GPATCH2: variants seen among roughly 807,000 people sequenced by gnomAD.
GPATCH2 encodes G patch domain-containing protein 2.
Under a neutral mutation model 58.0 loss-of-function variants are expected in GPATCH2, and 51 were observed. That is an observed-to-expected ratio of 0.88 (90% CI 0.70 to 1.11). GPATCH2 has a LOEUF of 1.11. Among genes scored for constraint, GPATCH2 ranks in the 50% most tolerant of loss-of-function variants. The pLI is 0.00. For synonymous variants in GPATCH2, 222 were observed against 218.5 expected, an observed-to-expected ratio of 1.02 and a Z score of -0.14; for missense variants, 625 against 652.2, an observed-to-expected ratio of 0.96 and a Z score of 0.45.
chr1:217,491,551 T>A (rs1661734682), intron 8 of GPATCH2, 129 bp downstream of exon 8: 1 of 440,034 alleles, frequency 2.3e-6, no homozygotes, highest in Non-Finnish European at 4.1e-6. Context: ...TAGATTCCAA[T>A]AAACAATACA....
intron 5 of GPATCH2, among the ~76,000 whole-genome samples, chr1:217,579,157 A>G (rs936146617): frequency 6.6e-6 from 1 of 152,214 alleles, no homozygotes; most frequent in East Asian, 1.9e-4. Flanking sequence ...AAAAGGATGC[A>G]AAGAAATACA....
chr1:217,510,955 G>A (rs1198905900), intron 6 of GPATCH2, among the ~76,000 whole-genome samples: 2 of 152,066 alleles, frequency 1.3e-5, no homozygotes, highest in East Asian at 1.9e-4. Flanking sequence ...AAAATTATCT[G>A]GGCGTGGTGG....
intron 5 of GPATCH2, among the ~76,000 whole-genome samples, chr1:217,524,939 A>G (rs867393284): frequency 1.6e-4 from 10 of 64,198 alleles, no homozygotes; most frequent in African/African-American, 4.7e-4. Context: ...GAGAGGGGAG[A>G]GGGAGATTTC....
At chr1:217,604,422 T>A (rs1668261819) in intron 5 of GPATCH2, among the ~76,000 whole-genome samples, 1 of 152,022 alleles carries the variant, frequency 6.6e-6, no homozygotes, top group Non-Finnish European at 1.5e-5. Context: ...AAAATTAATA[T>A]ATAGTAATAG....
At chr1:217,572,491 C>G (rs1052481872) in intron 5 of GPATCH2, among the ~76,000 whole-genome samples, 1 of 152,060 alleles carries the variant, frequency 6.6e-6, no homozygotes, top group Admixed American at 6.5e-5. Flanking sequence ...TCGTGGGCAC[C>G]CTGTGTTTGC....
chr1:217,447,706 T>A (rs562998692), intron 9 of GPATCH2, among the ~76,000 whole-genome samples: 95 of 152,350 alleles, frequency 6.2e-4, no homozygotes, highest in African/African-American at 2.2e-3. Context: ...AATTTTATAA[T>A]CTAGTCCCTT....
intron 8 of GPATCH2, among the ~76,000 whole-genome samples, chr1:217,464,934 T>C (rs1040147287): frequency 1.3e-5 from 2 of 151,878 alleles, no homozygotes; most frequent in Non-Finnish European, 2.9e-5. Flanking sequence ...CCCACAAAAA[T>C]GAAAACTACA....
At chr1:217,515,843 G>A (rs775207796) in intron 5 of GPATCH2, among the ~76,000 whole-genome samples, 7 of 148,580 alleles carry the variant, frequency 4.7e-5, no homozygotes, top group Non-Finnish European at 8.9e-5. Flanking sequence ...AGATATTTCC[G>A]AGGACCAATG....
At chr1:217,498,688 C>A (rs1307544410) in intron 6 of GPATCH2, 6 of 506,576 alleles carry the variant, frequency 1.2e-5, no homozygotes. Context: ...TGAATCAATT[C>A]TGGTTATAAA....
chr1:217,527,820 T>A (rs767096602), intron 5 of GPATCH2, among the ~76,000 whole-genome samples: 2 of 152,218 alleles, frequency 1.3e-5, no homozygotes, highest in Non-Finnish European at 2.9e-5. Flanking sequence ...TGTCCAGCAC[T>A]CAGGTGCTAC....
At chr1:217,564,359 C>T (rs190984118) in intron 5 of GPATCH2, among the ~76,000 whole-genome samples, 3 of 152,282 alleles carry the variant, frequency 2.0e-5, no homozygotes, top group African/African-American at 4.8e-5. Context: ...GATAATTACA[C>T]AGCCTTCATT....
chr1:217,620,732 T>G (rs1314904013), intron 1 of GPATCH2, among the ~76,000 whole-genome samples: 1 of 152,204 alleles, frequency 6.6e-6, no homozygotes, highest in Non-Finnish European at 1.5e-5. Flanking sequence ...AGAATAAGCT[T>G]ATGAGCAATG....
At position 217,630,983 on chromosome 1, in the gene GPATCH2, G is replaced by A. The variant is rs944730; in HGVS notation, c.-12C>T. 947,089 of 1,581,482 alleles carry A rather than the reference G, an allele frequency of 0.6. 291,612 individuals carry two copies. Among genetic ancestry groups the A allele is most frequent in the African/African-American group, 0.68 (50,914 of 74,402 alleles). On this transcript the variant is annotated 5_prime_UTR_variant, in exon 1 of 10. Transcript: ENST00000366935. ...GCGGCCCCGAACATTAACGACACCC[G>A]GGAGCCTGGCCTCGAAGCTCAGGCC...
chr1:217,503,510 T>C (rs1488423249), intron 6 of GPATCH2, among the ~76,000 whole-genome samples: 6 of 152,130 alleles, frequency 3.9e-5, no homozygotes, highest in Non-Finnish European at 5.9e-5. Context: ...GAATTAGCCT[T>C]GGACAGGAGA....
chr1:217,553,631 T>G (rs1356814800), intron 5 of GPATCH2, among the ~76,000 whole-genome samples: 5 of 152,188 alleles, frequency 3.3e-5, no homozygotes, highest in Non-Finnish European at 5.9e-5. Context: ...TCTACATTAT[T>G]GTTTTGAAAA....
chr1:217,609,292 AG>A (rs1174627349), intron 5 of GPATCH2: 1 of 985,116 alleles, frequency 1.0e-6, no homozygotes, highest in Admixed American at 6.2e-5. Context: ...AAGATGTACA[AG>A]CAGCTCTCAC....
rs1030787279 is a variant in GPATCH2, at chr1:217,431,026, C to T, written c.*119G>A. On this transcript the variant is annotated 3_prime_UTR_variant, in exon 10 of 10. Coordinates refer to ENST00000366935, the MANE Select transcript of GPATCH2 (RefSeq NM_018040.5). The stretch of plus-strand genomic sequence containing the variant: ...GGCAGGACTGTATGCAGTAAGGAAG[C>T]TAGAGTGATGTGTTTGAGGCAATGT... 1.4e-6 allele frequency: 1 copy of T among 703,616 alleles called. No homozygotes were observed. Among genetic ancestry groups the T allele is most frequent in the African/African-American group, 1.8e-5 (1 of 56,912 alleles). The allele number at this position is 703,616 out of a possible 1,614,324, so 43.6% of individuals were successfully genotyped here.
intron 6 of GPATCH2, among the ~76,000 whole-genome samples, chr1:217,507,611 T>A (rs1662625060): frequency 6.6e-6 from 1 of 152,174 alleles, no homozygotes; most frequent in African/African-American, 2.4e-5. Context: ...CAGATGGTGT[T>A]TAAAATAAAT....
intron 2 of GPATCH2, among the ~76,000 whole-genome samples, chr1:217,616,582 T>G (rs1365546997): frequency 6.6e-6 from 1 of 152,174 alleles, no homozygotes; most frequent in African/African-American, 2.4e-5. Context: ...ACATTTCACC[T>G]CATTGGTATC....
Sources: allele counts gnomAD v4.1 joint callset (sites outside exome capture counted in the v4.1 genomes callset), GRCh38; gene constraint gnomAD v4.1.1; transcripts MANE v1.5; gene names NCBI Gene and HGNC (gene_info 2026-07-23, HGNC 2026-07-21).